Variants in GSK3B observed in about 807,000 individuals in gnomAD.
GSK3B encodes glycogen synthase kinase-3 beta.
GSK3B carries 15 observed loss-of-function variants against 56.4 expected under a neutral mutation model. The observed-to-expected ratio is 0.27, with a 90% CI of 0.18 to 0.41. GSK3B has a LOEUF of 0.41. GSK3B is among the 10% of genes least tolerant of loss of function. The pLI, the probability that GSK3B is intolerant of heterozygous loss-of-function variation, is 1.00. For synonymous variants in GSK3B, 181 were observed against 188.9 expected (o/e 0.96, Z 0.34); for missense variants, 300 against 513.4 (o/e 0.58, Z 4.02).
intron 1 of GSK3B, among the ~76,000 whole-genome samples, chr3:120,032,011 T>C (rs1191418267): frequency 6.6e-6 from 1 of 152,216 alleles, no homozygotes; most frequent in East Asian, 1.9e-4. Context: ...ACATGAGCTA[T>C]TGAACACCTG....
chr3:119,991,249 A>G (rs905236344), intron 2 of GSK3B, among the ~76,000 whole-genome samples: 1 of 152,144 alleles, frequency 6.6e-6, no homozygotes, highest in Non-Finnish European at 1.5e-5. Context: ...TACCTACCCA[A>G]TCTTTATCCC....
intron 2 of GSK3B, among the ~76,000 whole-genome samples, chr3:119,969,109 C>G (rs1245655598): frequency 1.3e-5 from 2 of 151,756 alleles, no homozygotes; most frequent in Non-Finnish European, 2.9e-5. Context: ...CTGGCCAACA[C>G]CGTGAAACCC....
chr3:120,029,930 T>A (rs2057960831), intron 1 of GSK3B: 1 of 543,188 alleles, frequency 1.8e-6, no homozygotes, highest in South Asian at 1.4e-5. Flanking sequence ...CAGGAACACA[T>A]GGGCCCTAGA....
intron 1 of GSK3B, among the ~76,000 whole-genome samples, chr3:120,045,086 G>A (rs1281356589): frequency 1.3e-5 from 2 of 152,120 alleles, no homozygotes; most frequent in Non-Finnish European, 2.9e-5. Context: ...TAGTGCAAAC[G>A]CTTATAAAAA....
chr3:120,034,633 T>G (rs973032452), intron 1 of GSK3B, among the ~76,000 whole-genome samples: 2 of 152,194 alleles, frequency 1.3e-5, no homozygotes, highest in African/African-American at 2.4e-5. Context: ...AATTGAGAAA[T>G]GTGATTCCTC....
intron 1 of GSK3B, among the ~76,000 whole-genome samples, chr3:120,010,724 T>G (rs1050392779): frequency 3.9e-5 from 6 of 152,104 alleles, no homozygotes; most frequent in Non-Finnish European, 8.8e-5. Flanking sequence ...GCCACTGCAT[T>G]TTGGCCTGGG....
intron 7 of GSK3B, among the ~76,000 whole-genome samples, chr3:119,879,076 G>T (rs2056349119): frequency 6.6e-6 from 1 of 152,152 alleles, no homozygotes; most frequent in Admixed American, 6.5e-5. Context: ...GTAGGTGTAT[G>T]TATCTGTGGA....
intron 6 of GSK3B, among the ~76,000 whole-genome samples, chr3:119,906,950 C>T (rs1378330843): frequency 1.3e-5 from 2 of 152,016 alleles, no homozygotes; most frequent in South Asian, 2.1e-4. Context: ...TTAACAAACT[C>T]GAGTTGATTT....
chr3:119,945,617 A>C (rs1469168208), intron 3 of GSK3B, among the ~76,000 whole-genome samples: 1 of 152,216 alleles, frequency 6.6e-6, no homozygotes, highest in African/African-American at 2.4e-5. Flanking sequence ...CCTTGCATTC[A>C]AACGGTTTGA....
intron 2 of GSK3B, among the ~76,000 whole-genome samples, chr3:119,956,706 C>A (rs529956368): frequency 2.6e-5 from 4 of 152,030 alleles, no homozygotes; most frequent in African/African-American, 9.7e-5. Context: ...AGTGGAGTAA[C>A]GTAAGCCTTA....
intron 2 of GSK3B, among the ~76,000 whole-genome samples, chr3:119,995,064 G>A (rs914978034): frequency 6.7e-6 from 1 of 149,102 alleles, no homozygotes; most frequent in East Asian, 1.9e-4. Flanking sequence ...TGGCACACAC[G>A]TCTATAATCC....
intron 7 of GSK3B, among the ~76,000 whole-genome samples, chr3:119,879,568 T>G (rs755527564): frequency 6.6e-6 from 1 of 152,144 alleles, no homozygotes; most frequent in Admixed American, 6.6e-5. Context: ...AGTCACCCTG[T>G]TGTGCTATGA....
chr3:120,057,086 G>A lies in GSK3B; in HGVS notation c.88+36261C>T, dbSNP rs137904660. ...CTTGAACCCAGGAGGCAGAGGTTGCGGTGAGCCAAGATCGTGCCACTGCAC... is the reference window on the plus strand; with the variant it reads ...CTTGAACCCAGGAGGCAGAGGTTGCAGTGAGCCAAGATCGTGCCACTGCAC... On this transcript the variant is annotated intron_variant, in intron 1 of 10. Transcript: ENST00000264235. Among the ~76,000 whole-genome samples the A allele has an allele frequency of 2.4e-3, 370 of 152,184 alleles. 2 individuals are homozygous for A. The highest frequency in any genetic ancestry group is 6.9e-3 in the African/African-American group (287 of 41,536).
intron 1 of GSK3B, among the ~76,000 whole-genome samples, chr3:120,017,311 A>T (rs1347461883): frequency 6.6e-6 from 1 of 152,234 alleles, no homozygotes; most frequent in Non-Finnish European, 1.5e-5. Context: ...GCCAGAAGAA[A>T]GCCAGAAAAT....
In GSK3B at chr3:119,822,397, CA is replaced by C. The variant is rs2055424943; in HGVS notation, c.*4390del. On this transcript the variant is annotated 3_prime_UTR_variant, in exon 11 of 11. Coordinates refer to ENST00000264235, the MANE Select transcript of GSK3B (RefSeq NM_001146156.2). ...TTTTACAGGCAAGCAGATTTTCATA[CA>C]ACTATCTGTATCTGCCTGTAGACAG... 3 of 216,844 alleles carry C rather than the reference CA, an allele frequency of 1.4e-5. No individual in the cohort carries two copies. In the Admixed American group the frequency reaches 1.7e-4, roughly 13 times the overall value. 13.4% of individuals were successfully genotyped at this position (216,844 alleles called of 1,614,324 possible).
At chr3:119,882,156 T>G (rs1186090683) in intron 7 of GSK3B, among the ~76,000 whole-genome samples, 1 of 117,026 alleles carries the variant, frequency 8.5e-6, no homozygotes, top group Non-Finnish European at 2.1e-5. Context: ...ACAATTCTTG[T>G]TTTTTTTTTT....
intron 1 of GSK3B, among the ~76,000 whole-genome samples, chr3:120,052,344 C>A (rs1419071180): frequency 6.6e-6 from 1 of 152,070 alleles, no homozygotes; most frequent in Non-Finnish European, 1.5e-5. Flanking sequence ...TTTCTCAGAC[C>A]AGGCACAAAC....
chr3:120,055,220 T>C (rs539287250), intron 1 of GSK3B, among the ~76,000 whole-genome samples: 34 of 152,308 alleles, frequency 2.2e-4, no homozygotes, highest in Non-Finnish European at 4.4e-4. Flanking sequence ...AACTGTATTT[T>C]GGAACACAGC....
chr3:119,948,791 T>G (rs1262802692), intron 2 of GSK3B, among the ~76,000 whole-genome samples: 1 of 152,178 alleles, frequency 6.6e-6, no homozygotes, highest in African/African-American at 2.4e-5. Flanking sequence ...CTTTGCCTCC[T>G]GGGTTCAAGC....
Sources: gnomAD v4.1 joint callset for allele counts (sites outside exome capture counted in the v4.1 genomes callset) on GRCh38, gnomAD v4.1.1 for gene constraint, MANE v1.5 for transcripts, NCBI Gene and HGNC (gene_info 2026-07-23, HGNC 2026-07-21) for gene names.